PIBF1: variants seen among roughly 807,000 people sequenced by gnomAD.
PIBF1 encodes progesterone-induced-blocking factor 1.
PIBF1 carries 90 observed loss-of-function variants against 112.5 expected under a neutral mutation model. The ratio of observed to expected loss-of-function variants is 0.80; its 90% CI spans 0.67 to 0.95. PIBF1 has a LOEUF of 0.95. PIBF1 is among the 40% of genes least tolerant of loss of function. The pLI is 0.00. For missense variants in PIBF1, 915 were observed against 852.3 expected (o/e 1.07, Z -0.92); for synonymous variants, 301 against 288.6 (o/e 1.04, Z -0.44).
intron 4 of PIBF1, among the ~76,000 whole-genome samples, chr13:72,796,522 T>C (rs1848584504): frequency 6.6e-6 from 1 of 152,190 alleles, no homozygotes. Context: ...GCTTAGAAGA[T>C]AGTAAACACA....
chr13:72,811,011 C>T (rs1228351407), intron 5 of PIBF1, among the ~76,000 whole-genome samples: 1 of 152,086 alleles, frequency 6.6e-6, no homozygotes, highest in African/African-American at 2.4e-5. Context: ...TGCACGCTGC[C>T]ACTCCCGGCT....
intron 2 of PIBF1, among the ~76,000 whole-genome samples, chr13:72,790,755 T>C (rs2034883366): frequency 6.6e-6 from 1 of 152,108 alleles, no homozygotes; most frequent in African/African-American, 2.4e-5. Context: ...GTTAGCTGTA[T>C]CAAGTCATGC....
intron 10 of PIBF1, among the ~76,000 whole-genome samples, chr13:72,866,382 G>A (rs1429000844): frequency 6.6e-6 from 1 of 152,074 alleles, no homozygotes; most frequent in Non-Finnish European, 1.5e-5. Flanking sequence ...ATTTACTTGA[G>A]TTCTTCAATA....
At chr13:72,912,063 G>GAAAAT (rs1237795642) in intron 12 of PIBF1, among the ~76,000 whole-genome samples, 3 of 151,964 alleles carry the variant, frequency 2.0e-5, no homozygotes, top group Non-Finnish European at 4.4e-5. Flanking sequence ...GAAAAGAAAA[G>GAAAAT]AAAGATGTCC....
At chr13:72,956,613 C>T (rs1201353798) in intron 14 of PIBF1, among the ~76,000 whole-genome samples, 1 of 152,152 alleles carries the variant, frequency 6.6e-6, no homozygotes, top group East Asian at 1.9e-4. Flanking sequence ...TTTGGCATTA[C>T]AACACAATTC....
At chr13:72,958,542 T>A (rs1014642095) in intron 14 of PIBF1, among the ~76,000 whole-genome samples, 2 of 152,104 alleles carry the variant, frequency 1.3e-5, no homozygotes, top group African/African-American at 2.4e-5. Flanking sequence ...ATTGACATAA[T>A]AAAATACTAG....
intron 15 of PIBF1, among the ~76,000 whole-genome samples, chr13:72,972,386 A>G (rs1298889510): frequency 1.3e-5 from 2 of 152,188 alleles, no homozygotes; most frequent in African/African-American, 4.8e-5. Flanking sequence ...TTTACCGGCC[A>G]GGTGCGGTGG....
chr13:72,799,692 ATGGTTT>A (rs2035376928), intron 5 of PIBF1, among the ~76,000 whole-genome samples: 1 of 152,142 alleles, frequency 6.6e-6, no homozygotes, highest in South Asian at 2.1e-4. Flanking sequence ...AATGCCCAGG[ATGGTTT>A]TGGTGGTACA....
At chr13:72,977,904 C>T (rs765371395) in intron 16 of PIBF1, among the ~76,000 whole-genome samples, 3 of 151,992 alleles carry the variant, frequency 2.0e-5, no homozygotes, top group Non-Finnish European at 2.9e-5. Context: ...AATGATATAA[C>T]GTGAAGAGCA....
chr13:73,003,292 G>A (rs868054824), intron 17 of PIBF1, among the ~76,000 whole-genome samples: 9 of 151,296 alleles, frequency 5.9e-5, no homozygotes, highest in Middle Eastern at 3.4e-3. Context: ...TCACGCTGTC[G>A]CCCAAGCTAG....
chr13:72,927,776 CTT>C (rs1044921134), intron 13 of PIBF1, among the ~76,000 whole-genome samples: 8 of 150,364 alleles, frequency 5.3e-5, no homozygotes, highest in Admixed American at 2.7e-4. Context: ...AATATAATCT[CTT>C]ATATCCTTAA....
At chr13:72,933,230 A>G (rs1281170636) in intron 14 of PIBF1, among the ~76,000 whole-genome samples, 1 of 152,258 alleles carries the variant, frequency 6.6e-6, no homozygotes, top group Non-Finnish European at 1.5e-5. Context: ...ATTTCAGTTA[A>G]TTGAAATAAG....
chr13:72,961,834 C>CAA (rs1187417866), intron 14 of PIBF1, among the ~76,000 whole-genome samples: 1 of 151,780 alleles, frequency 6.6e-6, no homozygotes, highest in Non-Finnish European at 1.5e-5. Context: ...AAATAAAGAA[C>CAA]AAAAACAAGT....
chr13:72,948,382 C>G (rs567040454), intron 14 of PIBF1, among the ~76,000 whole-genome samples: 128 of 152,266 alleles, frequency 8.4e-4, no homozygotes, highest in African/African-American at 3.0e-3. Flanking sequence ...TTCCTCATCT[C>G]CATCTGAAAC....
chr13:72,925,514 C>T (rs1457415520), intron 13 of PIBF1, among the ~76,000 whole-genome samples: 2 of 145,046 alleles, frequency 1.4e-5, no homozygotes, highest in African/African-American at 5.1e-5. Context: ...TGTCTTTTCA[C>T]TGTTTTTTTC....
At chr13:72,996,985 A>G (rs892807852) in intron 16 of PIBF1, among the ~76,000 whole-genome samples, 7 of 152,230 alleles carry the variant, frequency 4.6e-5, no homozygotes, top group Non-Finnish European at 1.0e-4. Flanking sequence ...TATTTTTTGT[A>G]CAGTCACATT....
intron 14 of PIBF1, among the ~76,000 whole-genome samples, chr13:72,933,530 C>T (rs1030862279): frequency 2.1e-4 from 32 of 152,324 alleles, no homozygotes; most frequent in African/African-American, 7.5e-4. Flanking sequence ...GGCATGATGG[C>T]ACATGCCTGT....
At chr13:72,990,284 C>T (rs2043432311) in intron 16 of PIBF1, among the ~76,000 whole-genome samples, 1 of 151,224 alleles carries the variant, frequency 6.6e-6, no homozygotes, top group Admixed American at 6.6e-5. Flanking sequence ...CTTTGGGAGG[C>T]CGAGGCAGGT....
chr13:72,835,449 A>G, intron 9 of PIBF1, 81 bp downstream of exon 9: 2 of 1,069,684 alleles, frequency 1.9e-6, no homozygotes, highest in Non-Finnish European at 2.6e-6. Flanking sequence ...AATGCTATTT[A>G]TTATATAATG....
Sources: allele counts gnomAD v4.1 joint callset (sites outside exome capture counted in the v4.1 genomes callset), GRCh38; gene constraint gnomAD v4.1.1; transcripts MANE v1.5; gene names NCBI Gene and HGNC (gene_info 2026-07-23, HGNC 2026-07-21).